GPR39: variants seen among roughly 807,000 people sequenced by gnomAD.
The protein encoded by GPR39 is G protein-coupled receptor 39, also known as zinc sensing receptor.
A neutral mutation model predicts 18.4 loss-of-function variants in GPR39; 23 were observed. The ratio of observed to expected loss-of-function variants is 1.25; its 90% CI spans 0.90 to 1.77. The LOEUF (loss-of-function observed/expected upper bound fraction) is 1.77, where lower values mean the gene tolerates loss of function less well. GPR39 is among the 40% of genes most tolerant of loss of function. The pLI is 0.00. For synonymous variants in GPR39, 280 were observed against 257.9 expected, an observed-to-expected ratio of 1.09 and a Z score of -0.82; for missense variants, 647 against 602.4, an observed-to-expected ratio of 1.07 and a Z score of -0.78.
chr2:132,500,439 A>G (rs1679005491), intron 1 of GPR39, among the ~76,000 whole-genome samples: 1 of 152,124 alleles, frequency 6.6e-6, no homozygotes, highest in Non-Finnish European at 1.5e-5. Context: ...CTACCTGATC[A>G]TGGTGGATTA....
chr2:132,608,624 C>T (rs940352733), intron 1 of GPR39, among the ~76,000 whole-genome samples: 1 of 152,192 alleles, frequency 6.6e-6, no homozygotes, highest in Non-Finnish European at 1.5e-5. Context: ...TTCTTGGAAC[C>T]CTGCAAACAA....
intron 1 of GPR39, among the ~76,000 whole-genome samples, chr2:132,631,785 CTT>C (rs1453404936): frequency 6.6e-6 from 1 of 150,662 alleles, no homozygotes; most frequent in East Asian, 1.9e-4. Flanking sequence ...TGAGAACAGT[CTT>C]TGACTCAATT....
At chr2:132,567,779 AACT>A (rs1680377225) in intron 1 of GPR39, among the ~76,000 whole-genome samples, 1 of 152,060 alleles carries the variant, frequency 6.6e-6, no homozygotes. Flanking sequence ...GTTCTTTAAA[AACT>A]ACTGATACTT....
Position 132,645,634 on chromosome 2 carries a change from A to C in GPR39, c.*28A>C. 1 of 1,591,452 alleles carries C rather than the reference A, an allele frequency of 6.3e-7. No homozygotes were observed. Reference sequence around the variant, plus strand: ...GTCAAGCGAGGGAGCCTTGAGTGGGAACTGGCCCTCCAGCCCTAAGAAAAC... The same window carrying C: ...GTCAAGCGAGGGAGCCTTGAGTGGGCACTGGCCCTCCAGCCCTAAGAAAAC... On this transcript the variant is annotated 3_prime_UTR_variant, in exon 2 of 2. Coordinates refer to ENST00000329321, the MANE Select transcript of GPR39 (RefSeq NM_001508.3).
intron 1 of GPR39, among the ~76,000 whole-genome samples, chr2:132,473,515 C>T (rs1292750522): frequency 2.0e-5 from 3 of 151,772 alleles, no homozygotes; most frequent in Non-Finnish European, 4.4e-5. Context: ...TAGTCCTTGC[C>T]ATGGAAAGAC....
intron 1 of GPR39, among the ~76,000 whole-genome samples, chr2:132,601,990 C>G (rs1197667892): frequency 6.6e-6 from 1 of 151,412 alleles, no homozygotes; most frequent in Non-Finnish European, 1.5e-5. Context: ...AAGCAAGCTA[C>G]AGATCTCTAT....
At chr2:132,629,069 C>A (rs113456466) in intron 1 of GPR39, among the ~76,000 whole-genome samples, 142 of 152,268 alleles carry the variant, frequency 9.3e-4, no homozygotes, top group African/African-American at 3.3e-3. Flanking sequence ...GAGCTGGTAG[C>A]AGTTTCCTGG....
chr2:132,583,305 G>A (rs896154230), intron 1 of GPR39, among the ~76,000 whole-genome samples: 5 of 151,140 alleles, frequency 3.3e-5, no homozygotes, highest in Non-Finnish European at 1.5e-5. Flanking sequence ...GGGTCAAAAC[G>A]TTTAAAGCTG....
intron 1 of GPR39, among the ~76,000 whole-genome samples, chr2:132,461,084 C>G (rs1217028552): frequency 6.6e-6 from 1 of 152,194 alleles, no homozygotes; most frequent in Non-Finnish European, 1.5e-5. Context: ...AAGGAAATTC[C>G]AAAGCCATCT....
At chr2:132,587,168 C>T (rs1680744133) in intron 1 of GPR39, among the ~76,000 whole-genome samples, 1 of 152,166 alleles carries the variant, frequency 6.6e-6, no homozygotes, top group South Asian at 2.1e-4. Flanking sequence ...GTGGTGATTG[C>T]TGTGGCATTT....
At chr2:132,454,867 G>C (rs995165051) in intron 1 of GPR39, among the ~76,000 whole-genome samples, 2 of 152,180 alleles carry the variant, frequency 1.3e-5, no homozygotes, top group Non-Finnish European at 2.9e-5. Context: ...TTGATGTGCT[G>C]CTGGATTTGG....
chr2:132,534,381 A>C (rs899486799), intron 1 of GPR39, among the ~76,000 whole-genome samples: 1 of 149,622 alleles, frequency 6.7e-6, no homozygotes, highest in Non-Finnish European at 1.5e-5. Flanking sequence ...ACACTTTTAC[A>C]CTGTTGATGG....
chr2:132,457,430 C>T (rs1264840314), intron 1 of GPR39, among the ~76,000 whole-genome samples: 1 of 152,168 alleles, frequency 6.6e-6, no homozygotes, highest in Non-Finnish European at 1.5e-5. Flanking sequence ...CGAATGTCCT[C>T]CTTTAGCTTG....
At chr2:132,619,971 C>T (rs1035062688) in intron 1 of GPR39, among the ~76,000 whole-genome samples, 2 of 152,144 alleles carry the variant, frequency 1.3e-5, no homozygotes, top group African/African-American at 4.8e-5. Flanking sequence ...AGCCCCTTCA[C>T]CTGCGCAAAT....
intron 1 of GPR39, among the ~76,000 whole-genome samples, chr2:132,500,346 T>C (rs553139613): frequency 7.4e-4 from 113 of 152,322 alleles, no homozygotes; most frequent in African/African-American, 2.7e-3. Flanking sequence ...TCACATGATA[T>C]TTGTTTTTAA....
intron 1 of GPR39, among the ~76,000 whole-genome samples, chr2:132,555,127 A>G (rs1035825581): frequency 4.6e-5 from 7 of 151,910 alleles, no homozygotes; most frequent in African/African-American, 1.4e-4. Flanking sequence ...AATTTTTTGT[A>G]TTTTTAGTAG....
intron 1 of GPR39, among the ~76,000 whole-genome samples, chr2:132,538,612 C>A (rs1039342260): frequency 6.6e-6 from 1 of 152,196 alleles, no homozygotes; most frequent in Non-Finnish European, 1.5e-5. Context: ...ATCAGCTGCT[C>A]TTTTCAGAGC....
At chr2:132,490,143 G>T (rs1054823144) in intron 1 of GPR39, among the ~76,000 whole-genome samples, 4 of 151,936 alleles carry the variant, frequency 2.6e-5, no homozygotes, top group East Asian at 1.9e-4. Flanking sequence ...AAGAGCCAGA[G>T]AAATTCATCT....
chr2:132,559,321 G>C (rs1182262442), intron 1 of GPR39, among the ~76,000 whole-genome samples: 1 of 152,108 alleles, frequency 6.6e-6, no homozygotes, highest in Non-Finnish European at 1.5e-5. Flanking sequence ...AGATTTGGGG[G>C]GTAACATCAG....
Sources: gnomAD v4.1 joint callset for allele counts (sites outside exome capture counted in the v4.1 genomes callset) on GRCh38, gnomAD v4.1.1 for gene constraint, MANE v1.5 for transcripts, NCBI Gene and HGNC (gene_info 2026-07-23, HGNC 2026-07-21) for gene names.